OR5P2: variants seen among roughly 807,000 people sequenced by gnomAD.
OR5P2 encodes olfactory receptor 5P2.
For missense variants in OR5P2, 455 were observed against 382.3 expected (o/e 1.19, Z -1.59); for synonymous variants, 165 against 145.6 (o/e 1.13, Z -0.96).
Position 7,796,344 on chromosome 11 carries a change from C to A in OR5P2, c.599G>T (p.Gly200Val), listed in dbSNP as rs769581255. Residue 200 changes from glycine (G) to valine (V), a missense_variant, in exon 1 of 1, where the codon GGA (glycine) becomes GTA (valine). By Grantham distance (109) the Gly-to-Val change is moderately radical. Transcript: ENST00000329434. ...ACACACAGTGACCACAATGATGGAT[C>A]CAGAAGAAAATGAGAGAACAACTGT... is the stretch of plus-strand genomic sequence containing the variant. ...VSTVVLSFSSGSIIVVTVCVI... is the reference protein window; with the variant it reads ...VSTVVLSFSSVSIIVVTVCVI... The A allele has an allele frequency of 1.2e-6, 2 of 1,604,732 alleles. No homozygotes were observed. The highest frequency in any genetic ancestry group is 1.7e-5 in the Admixed American group (1 of 59,762).
rs762072377 is a variant in OR5P2, at chr11:7,796,189, T to G, written c.754A>C (p.Thr252Pro). The G allele has an allele frequency of 3.0e-5, 48 of 1,604,710 alleles. 5 individuals carry two copies. Among genetic ancestry groups the G allele is most frequent in the Non-Finnish European group, 3.9e-5 (46 of 1,178,666 alleles). ...TVVTLFYGTI[T>P]FIYVMPNFSY... ...AAATTGGGCATCACATAAATGAAGGTAATGGTCCCATAGAACAGGGTAACC... is the reference window on the plus strand; with the variant it reads ...AAATTGGGCATCACATAAATGAAGGGAATGGTCCCATAGAACAGGGTAACC... The change falls in exon 1 of 1, where the codon ACC becomes CCC. Residue 252 changes from threonine to proline, a missense_variant. Coordinates refer to ENST00000329434, the MANE Select transcript of OR5P2 (RefSeq NM_153444.1).
At position 7,795,995 on chromosome 11, in the gene OR5P2, A is replaced by G. The variant is rs895978137; in HGVS notation, c.948T>C (p.Thr316=). 19 of 1,579,346 alleles carry G rather than the reference A, an allele frequency of 1.2e-5. No individual in the cohort carries two copies. The highest frequency in any genetic ancestry group is 1.6e-5 in the Non-Finnish European group (18 of 1,158,312). The change falls in exon 1 of 1, where the codon ACT becomes ACC. Residue 316 remains threonine, a synonymous_variant. Coordinates refer to ENST00000329434, the MANE Select transcript of OR5P2 (RefSeq NM_153444.1). ...LSHDACYFSR[T]SNNDIT ...GGTTCTATGTAATATCATTATTTGA[A>G]GTTCTACTAAAATAACAAGCATCAT...
chr11:7,796,923 C>T lies in OR5P2; in HGVS notation c.20G>A (p.Gly7Glu). The change falls in exon 1 of 1, where the codon GGG becomes GAG. Residue 7 changes from glycine (G) to glutamate (E), a missense_variant. Gly to Glu is a moderately conservative substitution (Grantham distance 98). Coordinates refer to ENST00000329434, the MANE Select transcript of OR5P2 (RefSeq NM_153444.1). ...GAACCCCGTCAGAGCGGTGTGATTC[C>T]CGTCCTTCAGGGAATTCATGAGACG... is the stretch of plus-strand genomic sequence containing the variant. Reference protein sequence around the residue: MNSLKDGNHTALTGFIL... With the variant: MNSLKDENHTALTGFIL... 10 of 1,577,400 alleles carry T rather than the reference C, an allele frequency of 6.3e-6. No individual in the cohort carries two copies. The highest frequency in any genetic ancestry group is 8.6e-6 in the Non-Finnish European group (10 of 1,165,474).
In OR5P2 at chr11:7,796,327, T is replaced by G; in HGVS notation, c.616A>C (p.Thr206Pro). 6.2e-7 allele frequency: 1 copy of G among 1,605,122 alleles called. No individual in the cohort carries two copies. The highest frequency in any genetic ancestry group is 1.4e-5 in the African/African-American group (1 of 69,290). ...SFSSGSIIVV[T>P]VCVIAVCYIY... ...TAGCAGACGGCTATGACACACACAG[T>G]GACCACAATGATGGATCCAGAAGAA... Residue 206 changes from threonine to proline, a missense_variant, in exon 1 of 1, where the codon ACT becomes CCT. Thr to Pro is a conservative substitution (Grantham distance 38). Coordinates refer to ENST00000329434, the MANE Select transcript of OR5P2 (RefSeq NM_153444.1).
Position 7,796,312 on chromosome 11 carries a change from C to G in OR5P2, c.631G>C (p.Ala211Pro), listed in dbSNP as rs746891390. The G allele has an allele frequency of 1.2e-6, 2 of 1,604,924 alleles. No homozygotes were observed. The highest frequency in any genetic ancestry group is 1.7e-6 in the Non-Finnish European group (2 of 1,178,522). ...SIIVVTVCVI[A>P]VCYIYILITI... ...ATGAGGATATAGATGTAGCAGACGG[C>G]TATGACACACACAGTGACCACAATG... The change falls in exon 1 of 1, where the codon GCC becomes CCC. Residue 211 changes from alanine (A) to proline (P), a missense_variant. Coordinates refer to ENST00000329434, the MANE Select transcript of OR5P2 (RefSeq NM_153444.1).
Position 7,796,265 on chromosome 11 carries a change from GGAGC to G in OR5P2, c.674_677del (p.Arg225ProfsTer31). On this transcript the variant is annotated frameshift_variant, in exon 1 of 1. Transcript: ENST00000329434. LOFTEE classifies it high-confidence loss of function. ...AGAAGGCCTTGTGGTGCCCCTCAGT[GGAGC>G]GCATCTTCAGGATGGTGATGAGGAT... 1.2e-6 allele frequency: 2 copies of G among 1,605,104 alleles called. No homozygotes were observed. Among genetic ancestry groups the G allele is most frequent in the African/African-American group, 1.4e-5 (1 of 69,260 alleles).
Position 7,796,726 on chromosome 11 carries a change from CAGA to C in OR5P2, c.214_216del (p.Ser72del), listed in dbSNP as rs750731487. 4.4e-6 allele frequency: 7 copies of C among 1,605,250 alleles called. 1 individual carries two copies. Among genetic ancestry groups the C allele is most frequent in the Non-Finnish European group, 5.1e-6 (6 of 1,178,636 alleles). On this transcript the variant is annotated inframe_deletion, in exon 1 of 1. Coordinates refer to ENST00000329434, the MANE Select transcript of OR5P2 (RefSeq NM_153444.1). ...AAGTTTACAAGCATGTTGGGTGTGACAGAAGATGAATAGGCCATGTCAGCAAAA... is the reference window on the plus strand; with the variant it reads ...AAGTTTACAAGCATGTTGGGTGTGACAGATGAATAGGCCATGTCAGCAAAA...
Position 7,796,391 on chromosome 11 carries a change from G to T in OR5P2, c.552C>A (p.Ser184=). The change falls in exon 1 of 1, where the codon TCC becomes TCA. Residue 184 remains serine (S), a synonymous_variant. Coordinates refer to ENST00000329434, the MANE Select transcript of OR5P2 (RefSeq NM_153444.1). ...CTGTGGAGACACTGATATCAGAACAGGAGAGTTCAAGTAAGGGAGCGAAAT... is the reference window on the plus strand; with the variant it reads ...CTGTGGAGACACTGATATCAGAACATGAGAGTTCAAGTAAGGGAGCGAAAT... ...FCDFAPLLEL[S]CSDISVSTVV... is the part of the protein sequence containing the mutation. The T allele has an allele frequency of 6.2e-7, 1 of 1,604,768 alleles. No homozygotes were observed. The highest frequency in any genetic ancestry group is 8.5e-7 in the Non-Finnish European group (1 of 1,178,260).
rs758283835 is a variant in OR5P2, at chr11:7,796,655, C to G, written c.288G>C (p.Gln96His). 1.2e-6 allele frequency: 2 copies of G among 1,605,344 alleles called. No homozygotes were observed. The highest frequency in any genetic ancestry group is 1.7e-6 in the Non-Finnish European group (2 of 1,178,604). ...TTGCAAAGAAAGCCGCTGAACCAAGCTGGATGGCACATCCAAGGTAGGAGA... is the reference window on the plus strand; with the variant it reads ...TTGCAAAGAAAGCCGCTGAACCAAGGTGGATGGCACATCCAAGGTAGGAGA... ...NTVSYLGCAI[Q>H]LGSAAFFATV... Residue 96 changes from glutamine (Q) to histidine (H), a missense_variant, in exon 1 of 1, where the codon CAG (glutamine) becomes CAC (histidine). Coordinates refer to ENST00000329434, the MANE Select transcript of OR5P2 (RefSeq NM_153444.1).
chr11:7,796,669 C>T lies in OR5P2; in HGVS notation c.274G>A (p.Gly92Arg). The T allele has an allele frequency of 6.2e-7, 1 of 1,605,276 alleles. No homozygotes were observed. Among genetic ancestry groups the T allele is most frequent in the Non-Finnish European group, 8.5e-7 (1 of 1,178,640 alleles). The change falls in exon 1 of 1, where the codon GGA becomes AGA. Residue 92 changes from glycine to arginine, a missense_variant. Physicochemically the swap from Gly to Arg is moderately radical, Grantham distance 125 (BLOSUM62 -2). Coordinates refer to ENST00000329434, the MANE Select transcript of OR5P2 (RefSeq NM_153444.1). ...LVERNTVSYLGCAIQLGSAAF... is the reference protein window; with the variant it reads ...LVERNTVSYLRCAIQLGSAAF... Reference sequence around the variant, plus strand: ...GCTGAACCAAGCTGGATGGCACATCCAAGGTAGGAGACTGTATTTCTCTCC... The same window carrying T: ...GCTGAACCAAGCTGGATGGCACATCTAAGGTAGGAGACTGTATTTCTCTCC...
In OR5P2 at chr11:7,796,683, G is replaced by A; in HGVS notation, c.260C>T (p.Thr87Ile). 6.2e-7 allele frequency: 1 copy of A among 1,605,592 alleles called. No homozygotes were observed. The highest frequency in any genetic ancestry group is 8.5e-7 in the Non-Finnish European group (1 of 1,178,732). The change falls in exon 1 of 1, where the codon ACA becomes ATA. Residue 87 changes from threonine to isoleucine, a missense_variant. Thr to Ile is a moderately conservative substitution (Grantham distance 89). Transcript: ENST00000329434. The stretch of plus-strand genomic sequence containing the variant: ...GATGGCACATCCAAGGTAGGAGACT[G>A]TATTTCTCTCCACCAGGAAGTTTAC... ...MLVNFLVERN[T>I]VSYLGCAIQL...
In OR5P2 at chr11:7,796,795, G is replaced by A. The variant is rs867035565; in HGVS notation, c.148C>T (p.Gln50Ter). The A allele has an allele frequency of 3.1e-6, 5 of 1,598,202 alleles. 1 individual carries two copies. Among genetic ancestry groups the A allele is most frequent in the Non-Finnish European group, 4.3e-6 (5 of 1,174,166 alleles). ...AAGAAATACATAGGATGATGGAGCT[G>A]AGAAGAAATTCTGATAAGAATAATT... ...SIIILIRISSQLHHPMYFFLS... is the reference protein window; with the variant it reads ...SIIILIRISS Residue 50 changes from glutamine (Q) to a stop codon, truncating the protein, a stop_gained, in exon 1 of 1, where the codon CAG becomes TAG. Coordinates refer to ENST00000329434, the MANE Select transcript of OR5P2 (RefSeq NM_153444.1). LOFTEE classifies it low-confidence loss of function (END_TRUNC).
At position 7,796,197 on chromosome 11, in the gene OR5P2, C is replaced by A. The variant is rs1486747387; in HGVS notation, c.746G>T (p.Gly249Val). 1.2e-6 allele frequency: 2 copies of A among 1,604,692 alleles called. No homozygotes were observed. Among genetic ancestry groups the A allele is most frequent in the South Asian group, 2.2e-5 (2 of 90,336 alleles). ...SHLTVVTLFY[G>V]TITFIYVMPN... is the part of the protein sequence containing the mutation. The stretch of plus-strand genomic sequence containing the variant: ...CATCACATAAATGAAGGTAATGGTC[C>A]CATAGAACAGGGTAACCACAGTGAG... Residue 249 changes from glycine (G) to valine (V), a missense_variant, in exon 1 of 1, where the codon GGG becomes GTG. Physicochemically the swap from Gly to Val is moderately radical, Grantham distance 109. Coordinates refer to ENST00000329434, the MANE Select transcript of OR5P2 (RefSeq NM_153444.1).
At position 7,796,921 on chromosome 11, in the gene OR5P2, T is replaced by A. The variant is rs996218207; in HGVS notation, c.22A>T (p.Asn8Tyr). The change falls in exon 1 of 1, where the codon AAT (asparagine) becomes TAT (tyrosine). Residue 8 changes from asparagine to tyrosine, a missense_variant. By Grantham distance (143) the Asn-to-Tyr change is moderately radical. Coordinates refer to ENST00000329434, the MANE Select transcript of OR5P2 (RefSeq NM_153444.1). ...ATGAACCCCGTCAGAGCGGTGTGAT[T>A]CCCGTCCTTCAGGGAATTCATGAGA... MNSLKDG[N>Y]HTALTGFILL... 6.3e-7 allele frequency: 1 copy of A among 1,578,168 alleles called. No homozygotes were observed. Among genetic ancestry groups the A allele is most frequent in the Non-Finnish European group, 8.6e-7 (1 of 1,165,772 alleles).
chr11:7,796,193 G>C lies in OR5P2; in HGVS notation c.750C>G (p.Thr250=). The change falls in exon 1 of 1, where the codon ACC becomes ACG. Residue 250 remains threonine, a synonymous_variant. Transcript: ENST00000329434. The part of the protein sequence containing the change: ...HLTVVTLFYG[T]ITFIYVMPNF... ...TGGGCATCACATAAATGAAGGTAAT[G>C]GTCCCATAGAACAGGGTAACCACAG... 1.2e-6 allele frequency: 2 copies of C among 1,604,926 alleles called. No individual in the cohort carries two copies. The highest frequency in any genetic ancestry group is 1.7e-6 in the Non-Finnish European group (2 of 1,178,706).
rs776169519 is a variant in OR5P2 at position 7,796,449 on chromosome 11, C to CAGA, written c.491_493dup (p.Phe164dup). The CAGA allele has an allele frequency of 1.3e-4, 206 of 1,604,786 alleles. 9 individuals carry two copies. In the Admixed American group the frequency reaches 1.4e-3, roughly 11 times the overall value. ...AAAATGATTGACTTGATTTGGTCCACAGAAGAGTAAAAAATAGAAGGAAGT... is the reference window on the plus strand; with the variant it reads ...AAAATGATTGACTTGATTTGGTCCACAGAAGAAGAGTAAAAAATAGAAGGAAGT... On this transcript the variant is annotated inframe_insertion, in exon 1 of 1. Coordinates refer to ENST00000329434, the MANE Select transcript of OR5P2 (RefSeq NM_153444.1).
In OR5P2 at chr11:7,796,763, G is replaced by T. The variant is rs1188839155; in HGVS notation, c.180C>A (p.Ser60Arg). The stretch of plus-strand genomic sequence containing the variant: ...AGGCCATGTCAGCAAAAGCCAAGTG[G>T]CTCAGAAAGAAATACATAGGATGAT... ...QLHHPMYFFL[S>R]HLAFADMAYS... Residue 60 changes from serine (S) to arginine (R), a missense_variant, in exon 1 of 1, where the codon AGC becomes AGA. Coordinates refer to ENST00000329434, the MANE Select transcript of OR5P2 (RefSeq NM_153444.1). The T allele has an allele frequency of 3.1e-6, 5 of 1,603,138 alleles. No individual in the cohort carries two copies. Among genetic ancestry groups the T allele is most frequent in the Non-Finnish European group, 4.2e-6 (5 of 1,176,972 alleles).
rs757596431 is a variant in OR5P2, at chr11:7,796,780, T to C, written c.163A>G (p.Met55Val). The change falls in exon 1 of 1, where the codon ATG (methionine) becomes GTG (valine). Residue 55 changes from methionine (M) to valine (V), a missense_variant. Met to Val is a conservative substitution (Grantham distance 21). Coordinates refer to ENST00000329434, the MANE Select transcript of OR5P2 (RefSeq NM_153444.1). The part of the protein sequence containing the change: ...IRISSQLHHP[M>V]YFFLSHLAFA... ...GCCAAGTGGCTCAGAAAGAAATACA[T>C]AGGATGATGGAGCTGAGAAGAAATT... 4 of 1,600,650 alleles carry C rather than the reference T, an allele frequency of 2.5e-6. No homozygotes were observed. Among genetic ancestry groups the C allele is most frequent in the Admixed American group, 1.7e-5 (1 of 59,748 alleles).
rs1340940101 is a variant in OR5P2 at position 7,796,175 on chromosome 11, C to G, written c.768G>C (p.Val256=). 1 of 1,604,938 alleles carries G rather than the reference C, an allele frequency of 6.2e-7. No homozygotes were observed. The highest frequency in any genetic ancestry group is 1.1e-5 in the South Asian group (1 of 90,364). The change falls in exon 1 of 1, where the codon GTG becomes GTC. Residue 256 remains valine (V), a synonymous_variant. Coordinates refer to ENST00000329434, the MANE Select transcript of OR5P2 (RefSeq NM_153444.1). The stretch of plus-strand genomic sequence containing the variant: ...CAGTTGAGTAGCTAAAATTGGGCAT[C>G]ACATAAATGAAGGTAATGGTCCCAT... ...LFYGTITFIY[V]MPNFSYSTDQ...
Sources: allele counts gnomAD v4.1 joint callset, GRCh38; gene constraint gnomAD v4.1.1; transcripts MANE v1.5; gene names NCBI Gene and HGNC (gene_info 2026-07-23, HGNC 2026-07-21).